SPOCK1: variants seen among roughly 807,000 people sequenced by gnomAD.
The protein encoded by SPOCK1 is testican-1.
In SPOCK1, 23 loss-of-function variants were observed where a neutral mutation model predicts 55.3. The ratio of observed to expected loss-of-function variants is 0.42; its 90% confidence interval spans 0.30 to 0.59. The LOEUF (loss-of-function observed/expected upper bound fraction) is 0.59, where lower values mean the gene tolerates loss of function less well. Ranked by LOEUF, SPOCK1 falls within the 20% of genes least tolerant of loss-of-function variation. SPOCK1 has a pLI of 0.22. For missense variants in SPOCK1, 499 were observed against 552.5 expected (o/e 0.90, Z 0.97); for synonymous variants, 226 against 221.0 (o/e 1.02, Z -0.20).
intron 4 of SPOCK1, among the ~76,000 whole-genome samples, chr5:137,125,862 G>T (rs2905971): frequency 0.47 from 71,634 of 152,036 alleles, 17,046 homozygotes; most frequent in Middle Eastern, 0.52. Context: ...CAAGAGCCTA[G>T]ATTGTCATGA....
At chr5:137,275,800 A>G (rs1757054945) in intron 2 of SPOCK1, among the ~76,000 whole-genome samples, 1 of 152,194 alleles carries the variant, frequency 6.6e-6, no homozygotes, top group Admixed American at 6.5e-5. Flanking sequence ...GCAAGAACCC[A>G]GGCCACAGGC....
chr5:137,131,615 T>C (rs200397674), intron 4 of SPOCK1, among the ~76,000 whole-genome samples: 136 of 141,962 alleles, frequency 9.6e-4, no homozygotes, highest in Non-Finnish European at 1.5e-3. Flanking sequence ...CTCAAAAAAA[T>C]AAAAAAAAGA....
At chr5:137,424,826 A>G (rs1480431442) in intron 2 of SPOCK1, among the ~76,000 whole-genome samples, 1 of 152,208 alleles carries the variant, frequency 6.6e-6, no homozygotes, top group African/African-American at 2.4e-5. Flanking sequence ...CCTGGGACTG[A>G]GGGACTGAGT....
intron 2 of SPOCK1, among the ~76,000 whole-genome samples, chr5:137,477,049 T>G (rs1340071805): frequency 6.6e-6 from 1 of 152,190 alleles, no homozygotes; most frequent in Non-Finnish European, 1.5e-5. Context: ...ATCACAACAT[T>G]GTTATAATAG....
At chr5:137,315,673 T>C (rs771144020) in intron 2 of SPOCK1, among the ~76,000 whole-genome samples, 1 of 152,226 alleles carries the variant, frequency 6.6e-6, no homozygotes, top group Non-Finnish European at 1.5e-5. Context: ...TCTTCTCCTC[T>C]GGACAGTTAG....
intron 5 of SPOCK1, among the ~76,000 whole-genome samples, chr5:137,079,544 C>T (rs964637718): frequency 6.8e-6 from 1 of 148,004 alleles, no homozygotes; most frequent in Non-Finnish European, 1.5e-5. Context: ...CCCCCCCCCC[C>T]CGACTTAGTG....
At chr5:137,373,374 T>C (rs1288849840) in intron 2 of SPOCK1, among the ~76,000 whole-genome samples, 2 of 152,194 alleles carry the variant, frequency 1.3e-5, no homozygotes, top group African/African-American at 4.8e-5. Context: ...TCCCCAAGCA[T>C]GAACCATCAT....
At chr5:137,377,189 T>C (rs1028770244) in intron 2 of SPOCK1, among the ~76,000 whole-genome samples, 1 of 152,166 alleles carries the variant, frequency 6.6e-6, no homozygotes, top group Non-Finnish European at 1.5e-5. Flanking sequence ...GAGATGAAGG[T>C]ATGCGCTTCA....
At position 136,988,593 on chromosome 5, in the gene SPOCK1, A is replaced by G. The variant is rs1750888179; in HGVS notation, c.757T>C (p.Phe253Leu). The G allele has an allele frequency of 2.5e-6, 4 of 1,613,972 alleles. No homozygotes were observed. In the Admixed American group the frequency reaches 6.7e-5, roughly 27 times the overall value. ...TCATAGTTCATGTCCAACTTGTTGA[A>G]CATCCAGCCCAGGGAGTCCTTGCAG... ...PICKDSLGWM[F>L]NKLDMNYDLL... The change falls in exon 8 of 11, where the codon TTC becomes CTC. Residue 253 changes from phenylalanine (F) to leucine (L), a missense_variant. By Grantham distance (22) the Phe-to-Leu change is conservative (BLOSUM62 0). Coordinates refer to ENST00000394945, the MANE Select transcript of SPOCK1 (RefSeq NM_004598.4).
chr5:137,238,715 T>C (rs1756229720), intron 3 of SPOCK1, among the ~76,000 whole-genome samples: 1 of 152,182 alleles, frequency 6.6e-6, no homozygotes, highest in African/African-American at 2.4e-5. Flanking sequence ...ACAACAAAAA[T>C]ACTCAATAAA....
intron 2 of SPOCK1, among the ~76,000 whole-genome samples, chr5:137,408,979 C>T (rs189816550): frequency 7.9e-4 from 120 of 152,250 alleles, no homozygotes; most frequent in African/African-American, 2.8e-3. Flanking sequence ...TTATGTTTCA[C>T]GAAGGTCAGT....
intron 2 of SPOCK1, among the ~76,000 whole-genome samples, chr5:137,482,593 G>A (rs1165421599): frequency 1.3e-5 from 2 of 152,128 alleles, no homozygotes; most frequent in African/African-American, 4.8e-5. Context: ...GGGAACCAGG[G>A]TGAGGAACAT....
intron 3 of SPOCK1, among the ~76,000 whole-genome samples, chr5:137,231,078 T>C (rs1444373544): frequency 6.6e-6 from 1 of 151,874 alleles, no homozygotes; most frequent in African/African-American, 2.4e-5. Flanking sequence ...AGTTTCACTC[T>C]TGTCCCCCAG....
intron 5 of SPOCK1, among the ~76,000 whole-genome samples, chr5:137,087,043 C>G (rs1752972768): frequency 2.0e-5 from 3 of 152,208 alleles, no homozygotes; most frequent in Admixed American, 2.0e-4. Flanking sequence ...ATGTAACAAG[C>G]TGTCATTTCC....
At chr5:137,196,834 C>A (rs904668843) in intron 3 of SPOCK1, among the ~76,000 whole-genome samples, 6 of 152,212 alleles carry the variant, frequency 3.9e-5, no homozygotes, top group Non-Finnish European at 8.8e-5. Context: ...CTTCAGGGTG[C>A]CCCCTGCACA....
chr5:137,113,076 T>C lies in SPOCK1; in HGVS notation c.348-515A>G, dbSNP rs566497265. ...ACAGCTGTAGAAAACTATCTCTGGA[T>C]ATATTTTAAAGTAATTTCAGTCCAG... On this transcript the variant is annotated intron_variant, in intron 4 of 10. Coordinates refer to ENST00000394945, the MANE Select transcript of SPOCK1 (RefSeq NM_004598.4). Among the ~76,000 whole-genome samples, 6 of 152,324 alleles carry C rather than the reference T, an allele frequency of 3.9e-5. No homozygotes were observed. In the East Asian group the frequency reaches 1.2e-3, roughly 29 times the overall value.
At chr5:137,194,118 G>A (rs369691753) in intron 3 of SPOCK1, among the ~76,000 whole-genome samples, 2 of 152,306 alleles carry the variant, frequency 1.3e-5, no homozygotes, top group Non-Finnish European at 1.5e-5. Flanking sequence ...GCAGAATGGC[G>A]AAGCATTTAA....
intron 6 of SPOCK1, among the ~76,000 whole-genome samples, chr5:137,031,994 CATAATAT>C (rs1006991568): frequency 6.8e-6 from 1 of 147,724 alleles, no homozygotes; most frequent in Non-Finnish European, 1.5e-5. Context: ...CACGCATATA[CATAATAT>C]ATAATAAAAA....
chr5:137,349,483 T>C (rs536525069), intron 2 of SPOCK1, among the ~76,000 whole-genome samples: 6 of 152,300 alleles, frequency 3.9e-5, no homozygotes, highest in African/African-American at 1.4e-4. Context: ...GCTTACAGCA[T>C]AGATGGTATA....
Sources: gnomAD v4.1 joint callset for allele counts (sites outside exome capture counted in the v4.1 genomes callset) on GRCh38, gnomAD v4.1.1 for gene constraint, MANE v1.5 for transcripts, NCBI Gene and HGNC (gene_info 2026-07-23, HGNC 2026-07-21) for gene names.